GPRC5A: variants seen among roughly 807,000 people sequenced by gnomAD.
GPRC5A encodes retinoic acid-induced protein 3.
In GPRC5A, 19 loss-of-function variants were observed where a neutral mutation model predicts 22.5. The ratio of observed to expected loss-of-function variants is 0.85; its 90% CI spans 0.59 to 1.24. The LOEUF (loss-of-function observed/expected upper bound fraction) is 1.24. Ranked by LOEUF, GPRC5A falls within the 50% of genes most tolerant of loss-of-function variation. GPRC5A has a pLI of 0.00. For synonymous variants in GPRC5A, 192 were observed against 184.5 expected (o/e 1.04, Z -0.33); for missense variants, 471 against 451.1 (o/e 1.04, Z -0.40).
At chr12:12,898,536 G>GA (rs1016271986) in intron 1 of GPRC5A, among the ~76,000 whole-genome samples, 93 of 137,042 alleles carry the variant, frequency 6.8e-4, no homozygotes, top group Middle Eastern at 3.7e-3. Context: ...TGTCTCAAAA[G>GA]AAAAAAAAAA....
chr12:12,912,366 T>C, intron 3 of GPRC5A, 81 bp from the exon 4 acceptor site: 1 of 980,900 alleles, frequency 1.0e-6, no homozygotes, highest in Non-Finnish European at 1.6e-6. Context: ...GGGAAGGAAA[T>C]GAGACTTCTG....
Position 12,912,499 on chromosome 12 carries a change from G to A in GPRC5A, c.1034G>A (p.Ser345Asn). The A allele has an allele frequency of 1.9e-6, 3 of 1,612,896 alleles. No individual in the cohort carries two copies. The highest frequency in any genetic ancestry group is 2.5e-6 in the Non-Finnish European group (3 of 1,178,840). ...ATCCCACGGGCCCACGCTTGGCCGAGCCCTTACAAAGACTATGAAGTAAAG... is the reference window on the plus strand; with the variant it reads ...ATCCCACGGGCCCACGCTTGGCCGAACCCTTACAAAGACTATGAAGTAAAG... The part of the protein sequence containing the change: ...FSIPRAHAWP[S>N]PYKDYEVKKE... The change falls in exon 4 of 4, where the codon AGC becomes AAC. Residue 345 changes from serine to asparagine, a missense_variant. Ser to Asn is a conservative substitution (Grantham distance 46). Transcript: ENST00000014914.
At position 12,908,971 on chromosome 12, in the gene GPRC5A, A is replaced by G. The variant is rs1293880372; in HGVS notation, c.722A>G (p.Asp241Gly). Reference protein sequence around the residue: ...LMLPDFDRRWDDTILSSALAA... With the variant: ...LMLPDFDRRWGDTILSSALAA... ...CTTCCTGACTTTGACCGCAGGTGGG[A>G]TGACACCATCCTCAGCTCCGCCTTG... Residue 241 changes from aspartate to glycine, a missense_variant, in exon 2 of 4, where the codon GAT (aspartate) becomes GGT (glycine). Coordinates refer to ENST00000014914, the MANE Select transcript of GPRC5A (RefSeq NM_003979.4). The G allele has an allele frequency of 6.2e-7, 1 of 1,614,120 alleles. No individual in the cohort carries two copies.
chr12:12,915,831 T>C lies in GPRC5A; in HGVS notation c.*3292T>C, dbSNP rs761224759. ...GCGCCCGGCCCCGTTGTTTCCCTTC[T>C]AAGAAACGCAGTGGTCTCTGAAGCC... is the stretch of plus-strand genomic sequence containing the variant. On this transcript the variant is annotated 3_prime_UTR_variant, in exon 4 of 4. Transcript: ENST00000014914. The C allele has an allele frequency of 1.9e-6, 1 of 519,800 alleles. No homozygotes were observed. Among genetic ancestry groups the C allele is most frequent in the East Asian group, 5.6e-5 (1 of 17,816 alleles). 32.2% of individuals were successfully genotyped at this position (519,800 alleles called of 1,614,324 possible). A position where few individuals can be genotyped will look rare whatever the true frequency, so the allele number is the denominator to read the frequency against.
intron 2 of GPRC5A, among the ~76,000 whole-genome samples, chr12:12,910,995 C>T (rs1180421106): frequency 3.3e-5 from 5 of 151,856 alleles, no homozygotes; most frequent in African/African-American, 1.2e-4. Flanking sequence ...CTCAGCCTCC[C>T]GAGTAGCTGG....
intron 1 of GPRC5A, among the ~76,000 whole-genome samples, chr12:12,903,730 T>A (rs1863912332): frequency 6.6e-6 from 1 of 152,244 alleles, no homozygotes; most frequent in African/African-American, 2.4e-5. Flanking sequence ...TGGATCCTGG[T>A]CTGTGGGTTC....
rs1237402661 is a variant in GPRC5A at position 12,909,037 on chromosome 12, C to T, written c.788C>T (p.Pro263Leu). 1.2e-6 allele frequency: 2 copies of T among 1,612,730 alleles called. No individual in the cohort carries two copies. Among genetic ancestry groups the T allele is most frequent in the Middle Eastern group, 1.6e-4 (1 of 6,062 alleles). ...GWVFLLAYVS[P>L]EFWLLTKQRN... ...GTGTTCCTGTTGGCTTATGTTAGTC[C>T]CGAGTTTTGGCTGCTCACAAAGCAA... Residue 263 changes from proline to leucine, a missense_variant, in exon 2 of 4, where the codon CCC becomes CTC. Transcript: ENST00000014914.
chr12:12,900,371 G>A (rs955146255), intron 1 of GPRC5A, among the ~76,000 whole-genome samples: 24 of 152,220 alleles, frequency 1.6e-4, no homozygotes, highest in African/African-American at 3.9e-4. Flanking sequence ...TTCAGACCAC[G>A]TAGTTCAGCA....
chr12:12,895,916 C>A (rs1476527730), intron 1 of GPRC5A, among the ~76,000 whole-genome samples: 1 of 146,496 alleles, frequency 6.8e-6, no homozygotes, highest in Non-Finnish European at 1.5e-5. Flanking sequence ...TGGTGTGAAC[C>A]CAGGAGGTGG....
At position 12,908,828 on chromosome 12, in the gene GPRC5A, C is replaced by T; in HGVS notation, c.579C>T (p.Leu193=). The T allele has an allele frequency of 6.2e-7, 1 of 1,614,144 alleles. No individual in the cohort carries two copies. Among genetic ancestry groups the T allele is most frequent in the Non-Finnish European group, 8.5e-7 (1 of 1,179,960 alleles). Residue 193 remains leucine, a synonymous_variant, in exon 2 of 4, where the codon CTC becomes CTT. Transcript: ENST00000014914. The stretch of plus-strand genomic sequence containing the variant: ...TCTTCTTGATGGCGCTGACCTTCCT[C>T]ATGTCCTCCTTCACCTTCTGTGGTT... ...YVLFLMALTF[L]MSSFTFCGSF... is the part of the protein sequence containing the mutation.
chr12:12,906,804 C>G (rs1192438145), intron 1 of GPRC5A, among the ~76,000 whole-genome samples: 11 of 152,042 alleles, frequency 7.2e-5, no homozygotes, highest in Admixed American at 7.2e-4. Context: ...CCTGTAATCC[C>G]AGCACTTTGG....
rs142360539 is a variant in GPRC5A, at chr12:12,907,919, G to A, written c.-7-324G>A. On this transcript the variant is annotated intron_variant, in intron 1 of 3. Transcript: ENST00000014914. ...TGGGATTATAGGCATGAGCCAACACGTCCAGCCCTGTGAAGTTTTTTGAGA... is the reference window on the plus strand; with the variant it reads ...TGGGATTATAGGCATGAGCCAACACATCCAGCCCTGTGAAGTTTTTTGAGA... Among the ~76,000 whole-genome samples, 1,407 of 152,282 alleles carry A rather than the reference G, an allele frequency of 9.2e-3. 23 individuals are homozygous for A. Among genetic ancestry groups the A allele is most frequent in the African/African-American group, 0.03 (1,263 of 41,538 alleles).
At chr12:12,909,304 G>C (rs960832846) in intron 2 of GPRC5A, 133 bp downstream of exon 2, 15 of 688,214 alleles carry the variant, frequency 2.2e-5, no homozygotes, top group Middle Eastern at 2.9e-4. Context: ...GTTCCTTAAG[G>C]CTCAGATCTT....
chr12:12,904,961 C>G (rs2136459454), intron 1 of GPRC5A, among the ~76,000 whole-genome samples: 1 of 150,698 alleles, frequency 6.6e-6, no homozygotes, highest in South Asian at 2.1e-4. Flanking sequence ...TCCCCGCTCA[C>G]TGCACCTCTG....
rs1341872972 is a variant in GPRC5A at position 12,916,793 on chromosome 12, A to T, written c.*4254A>T. On this transcript the variant is annotated 3_prime_UTR_variant, in exon 4 of 4. Coordinates refer to ENST00000014914, the MANE Select transcript of GPRC5A (RefSeq NM_003979.4). ...GCTGTTTGTCAGGAAAAGTGTGCCAAAACAAAGAGTACGGCCGGCCCTGGA... is the reference window on the plus strand; with the variant it reads ...GCTGTTTGTCAGGAAAAGTGTGCCATAACAAAGAGTACGGCCGGCCCTGGA... 6.6e-6 allele frequency: 1 copy of T among 152,190 alleles called. No homozygotes were observed. Among genetic ancestry groups the T allele is most frequent in the Admixed American group, 6.5e-5 (1 of 15,280 alleles). 9.4% of individuals were successfully genotyped at this position (152,190 alleles called of 1,614,324 possible). A position where few individuals can be genotyped will look rare whatever the true frequency, so the allele number is the denominator to read the frequency against.
At chr12:12,909,959 AAAAG>A (rs1863985975) in intron 2 of GPRC5A, 1 of 151,602 alleles carries the variant, frequency 6.6e-6, no homozygotes, top group Non-Finnish European at 1.5e-5. Context: ...AAAAAAAAAA[AAAAG>A]AATCAAGTGA....
intron 1 of GPRC5A, among the ~76,000 whole-genome samples, chr12:12,893,428 T>C (rs1410754958): frequency 6.6e-6 from 1 of 152,232 alleles, no homozygotes; most frequent in Non-Finnish European, 1.5e-5. Context: ...ATTAATATGG[T>C]GGTATAGTAA....
At position 12,908,867 on chromosome 12, in the gene GPRC5A, G is replaced by A; in HGVS notation, c.618G>A (p.Trp206Ter). ...CCTTCTGTGGTTCCTTCACGGGCTG[G>A]AAGAGACATGGGGCCCACATCTACC... is the stretch of plus-strand genomic sequence containing the variant. ...SFTFCGSFTG[W>*]KRHGAHIYLT... The change falls in exon 2 of 4, where the codon TGG becomes TGA. Residue 206 changes from tryptophan to a stop codon, truncating the protein, a stop_gained. Transcript: ENST00000014914. LOFTEE classifies it high-confidence loss of function. 2 of 1,614,120 alleles carry A rather than the reference G, an allele frequency of 1.2e-6. No individual in the cohort carries two copies. Among genetic ancestry groups the A allele is most frequent in the Non-Finnish European group, 1.7e-6 (2 of 1,180,010 alleles).
In GPRC5A at chr12:12,914,552, C is replaced by CTT. The variant is rs1864039167; in HGVS notation, c.*2015_*2016dup. On this transcript the variant is annotated 3_prime_UTR_variant, in exon 4 of 4. Coordinates refer to ENST00000014914, the MANE Select transcript of GPRC5A (RefSeq NM_003979.4). ...TCTTTCCTTCCTTCCTTCCTTTCTT[C>CTT]TTTCTTTCTTTCTTTCTTTCTTTCT... is the stretch of plus-strand genomic sequence containing the variant. 1 of 48,872 alleles carries CTT rather than the reference C, an allele frequency of 2.0e-5. No individual in the cohort carries two copies. The highest frequency in any genetic ancestry group is 3.6e-5 in the Non-Finnish European group (1 of 27,818). The allele number at this position is 48,872 out of a possible 1,614,324, so 3.0% of individuals were successfully genotyped here.
Sources: allele counts gnomAD v4.1 joint callset (sites outside exome capture counted in the v4.1 genomes callset), GRCh38; gene constraint gnomAD v4.1.1; transcripts MANE v1.5; gene names NCBI Gene and HGNC (gene_info 2026-07-23, HGNC 2026-07-21).